Variants in TBCK observed in about 807,000 individuals in gnomAD.
TBCK encodes TBC1 domain containing kinase.
In TBCK, 99 loss-of-function variants were observed where a neutral mutation model predicts 113.4. The ratio of observed to expected loss-of-function variants is 0.87; its 90% CI spans 0.74 to 1.03. The LOEUF is 1.03. Among genes scored for constraint, TBCK ranks in the 50% least tolerant of loss-of-function variants. The pLI is 0.00. For synonymous variants in TBCK, 369 were observed against 370.8 expected, an observed-to-expected ratio of 1.00 and a Z score of 0.05; for missense variants, 1,045 against 1,061.3, an observed-to-expected ratio of 0.98 and a Z score of 0.21.
At chr4:106,203,386 A>G (rs957392348) in intron 20 of TBCK, among the ~76,000 whole-genome samples, 2 of 151,594 alleles carry the variant, frequency 1.3e-5, no homozygotes, top group African/African-American at 2.4e-5. Flanking sequence ...GTTTTTTACT[A>G]TGCTTTATTC....
intron 12 of TBCK, among the ~76,000 whole-genome samples, chr4:106,240,000 A>AT (rs1185125116): frequency 6.6e-6 from 1 of 152,046 alleles, no homozygotes. Flanking sequence ...TAGAAAATCA[A>AT]AACACAAATG....
intron 22 of TBCK, among the ~76,000 whole-genome samples, chr4:106,186,122 C>T (rs1260731239): frequency 6.6e-6 from 1 of 152,120 alleles, no homozygotes; most frequent in Non-Finnish European, 1.5e-5. Context: ...TTTCTTTATG[C>T]AGTCCACCAT....
chr4:106,097,374 C>G (rs1741049649), intron 24 of TBCK, among the ~76,000 whole-genome samples: 1 of 152,092 alleles, frequency 6.6e-6, no homozygotes, highest in Non-Finnish European at 1.5e-5. Context: ...GAACACTCAT[C>G]CAAGAACACT....
At chr4:106,048,056 G>C (rs1056974791) in intron 25 of TBCK, among the ~76,000 whole-genome samples, 1 of 152,166 alleles carries the variant, frequency 6.6e-6, no homozygotes, top group Non-Finnish European at 1.5e-5. Context: ...TGAGTGGTTT[G>C]GCCAGGACAA....
intron 20 of TBCK, among the ~76,000 whole-genome samples, chr4:106,211,813 T>C (rs1480932826): frequency 6.6e-6 from 1 of 152,110 alleles, no homozygotes; most frequent in African/African-American, 2.4e-5. Context: ...ACTTTTCCTA[T>C]GTATATACAC....
intron 19 of TBCK, among the ~76,000 whole-genome samples, chr4:106,217,286 C>A (rs1007002939): frequency 6.6e-6 from 1 of 152,110 alleles, no homozygotes; most frequent in Non-Finnish European, 1.5e-5. Flanking sequence ...AAACTGGAAG[C>A]ATTCCCTTTG....
At chr4:106,231,046 C>T (rs1045769994) in intron 18 of TBCK, among the ~76,000 whole-genome samples, 4 of 151,480 alleles carry the variant, frequency 2.6e-5, no homozygotes, top group Non-Finnish European at 5.9e-5. Context: ...TTCCAGAAAC[C>T]GATGCAAATT....
intron 24 of TBCK, among the ~76,000 whole-genome samples, chr4:106,111,102 C>T (rs1487965410): frequency 6.6e-6 from 1 of 152,136 alleles, no homozygotes; most frequent in African/African-American, 2.4e-5. Context: ...TATTTCTCCC[C>T]TACCCCTAAC....
At chr4:106,218,382 A>C (rs906156949) in intron 19 of TBCK, among the ~76,000 whole-genome samples, 16 of 148,860 alleles carry the variant, frequency 1.1e-4, no homozygotes, top group African/African-American at 3.7e-4. Flanking sequence ...ATCTAATTAA[A>C]CTAAAGAGCT....
chr4:106,160,523 A>G (rs569438259), intron 23 of TBCK, among the ~76,000 whole-genome samples: 2 of 152,152 alleles, frequency 1.3e-5, no homozygotes, highest in East Asian at 3.9e-4. Flanking sequence ...ACTAATCATC[A>G]GGGAAATATA....
At chr4:106,192,120 C>A (rs1301061860) in intron 22 of TBCK, among the ~76,000 whole-genome samples, 1 of 152,024 alleles carries the variant, frequency 6.6e-6, no homozygotes, top group East Asian at 1.9e-4. Flanking sequence ...GTCAGTCGAC[C>A]ATAAAATACA....
intron 22 of TBCK, among the ~76,000 whole-genome samples, chr4:106,190,214 T>A (rs1753507641): frequency 6.6e-6 from 1 of 152,192 alleles, no homozygotes; most frequent in Admixed American, 6.5e-5. Context: ...ATTTAATTTA[T>A]ATTTATCCCT....
chr4:106,201,826 T>C (rs1051212690), intron 20 of TBCK, among the ~76,000 whole-genome samples: 5 of 152,074 alleles, frequency 3.3e-5, no homozygotes, highest in African/African-American at 4.8e-5. Context: ...ATATTGTCTA[T>C]CTTAAGTCAG....
In TBCK at chr4:106,244,759, T is replaced by G; in HGVS notation, c.937A>C (p.Asn313His). Residue 313 changes from asparagine to histidine, a missense_variant, in exon 11 of 26, where the codon AAT becomes CAT. Coordinates refer to ENST00000394708, the MANE Select transcript of TBCK (RefSeq NM_001163435.3). ...GATCTTTCTGCCAGGTAATCATTATTTATATCTATTAAAAGCAAATTTAAG... is the reference window on the plus strand; with the variant it reads ...GATCTTTCTGCCAGGTAATCATTATGTATATCTATTAAAAGCAAATTTAAG... The part of the protein sequence containing the change: ...EDISQLCKDI[N>H]NDYLAERSIE... 1.3e-6 allele frequency: 2 copies of G among 1,571,002 alleles called. No homozygotes were observed. Among genetic ancestry groups the G allele is most frequent in the Non-Finnish European group, 1.7e-6 (2 of 1,154,788 alleles).
At chr4:106,083,854 G>C (rs1250810697) in intron 25 of TBCK, among the ~76,000 whole-genome samples, 1 of 152,082 alleles carries the variant, frequency 6.6e-6, no homozygotes, top group African/African-American at 2.4e-5. Context: ...AGAGGGACTT[G>C]ACTATTGAAA....
intron 20 of TBCK, among the ~76,000 whole-genome samples, chr4:106,196,719 CAAT>C (rs753226246): frequency 3.5e-4 from 53 of 151,940 alleles, no homozygotes; most frequent in Admixed American, 1.3e-3. Context: ...TTGTAGAAAA[CAAT>C]AAAACATAAA....
intron 3 of TBCK, among the ~76,000 whole-genome samples, chr4:106,266,109 TA>T (rs748148562): frequency 6.6e-6 from 1 of 151,460 alleles, no homozygotes; most frequent in Non-Finnish European, 1.5e-5. Flanking sequence ...ATTCCAAACT[TA>T]AAAAAAATTA....
At chr4:106,091,445 C>T (rs142754780) in intron 25 of TBCK, among the ~76,000 whole-genome samples, 1 of 152,108 alleles carries the variant, frequency 6.6e-6, no homozygotes, top group Non-Finnish European at 1.5e-5. Context: ...AGCCACGGAC[C>T]CTTGTGGTGA....
intron 20 of TBCK, among the ~76,000 whole-genome samples, chr4:106,200,912 T>C (rs1377731147): frequency 6.6e-6 from 1 of 152,062 alleles, no homozygotes; most frequent in Non-Finnish European, 1.5e-5. Context: ...TTTCAACAAA[T>C]ATGAAATAAT....
Sources: allele counts gnomAD v4.1 joint callset (sites outside exome capture counted in the v4.1 genomes callset), GRCh38; gene constraint gnomAD v4.1.1; transcripts MANE v1.5; gene names NCBI Gene and HGNC (gene_info 2026-07-23, HGNC 2026-07-21).